ADAMTS19: variants seen among roughly 807,000 people sequenced by gnomAD.
ADAMTS19 encodes the protein A disintegrin and metalloproteinase with thrombospondin motifs 19.
ADAMTS19 carries 93 observed loss-of-function variants against 153.3 expected under a neutral mutation model. That is an observed-to-expected ratio of 0.61 (90% CI 0.51 to 0.72). ADAMTS19 has a LOEUF of 0.72. ADAMTS19 is among the 30% of genes least tolerant of loss of function. The probability of loss-of-function intolerance (pLI) is 0.00; values close to 1 mark genes in which losing one functional copy is unlikely to be tolerated. For synonymous variants in ADAMTS19, 600 were observed against 556.6 expected (o/e 1.08, Z -1.10); for missense variants, 1,482 against 1,552.1 (o/e 0.95, Z 0.76).
chr5:129,540,351 C>T (rs977748295), intron 6 of ADAMTS19, among the ~76,000 whole-genome samples: 2 of 152,056 alleles, frequency 1.3e-5, no homozygotes, highest in African/African-American at 2.4e-5. Context: ...TAGTTTAAAG[C>T]TGACCTAGTT....
chr5:129,493,159 C>T (rs1421922147), intron 2 of ADAMTS19, among the ~76,000 whole-genome samples: 6 of 152,084 alleles, frequency 3.9e-5, no homozygotes, highest in African/African-American at 1.4e-4. Flanking sequence ...CCAGAGGGCA[C>T]TGATTTAATG....
rs528313414 is a variant in ADAMTS19, at chr5:129,669,815, A to AT, written c.2506+4245dup. Reference sequence around the variant, plus strand: ...CAGATAATTTCTAATTCCCCATGTGATTTTTTTTTCATTGTTGCATTGGTT... The same window carrying AT: ...CAGATAATTTCTAATTCCCCATGTGATTTTTTTTTTCATTGTTGCATTGGTT... On this transcript the variant is annotated intron_variant, in intron 16 of 22. Coordinates refer to ENST00000274487, the MANE Select transcript of ADAMTS19 (RefSeq NM_133638.6). Among the ~76,000 whole-genome samples the AT allele has an allele frequency of 2.8e-3, 418 of 149,914 alleles. 1 individual carries two copies. The highest frequency in any genetic ancestry group is 8.4e-3 in the African/African-American group (343 of 40,838).
chr5:129,522,332 C>CACATATATATATAT lies in ADAMTS19; in HGVS notation c.914-3951_914-3950insCATATATATATATA, dbSNP rs1309115957. On this transcript the variant is annotated intron_variant, in intron 3 of 22. Coordinates refer to ENST00000274487, the MANE Select transcript of ADAMTS19 (RefSeq NM_133638.6). Reference sequence around the variant, plus strand: ...ATATATATATACACACACACACACACATATATATATATATATATATATATA... The same window carrying CACATATATATATAT: ...ATATATATATACACACACACACACACACATATATATATATATATATATATATATATATATATATA... Among the ~76,000 whole-genome samples the CACATATATATATAT allele has an allele frequency of 1.6e-3, 95 of 58,600 alleles. 2 individuals carry two copies. Among genetic ancestry groups the CACATATATATATAT allele is most frequent in the African/African-American group, 2.3e-3 (26 of 11,228 alleles). 38.4% of individuals were successfully genotyped at this position (58,600 alleles called of 152,430 possible).
chr5:129,559,650 A>G (rs1050554871), intron 7 of ADAMTS19, among the ~76,000 whole-genome samples: 2 of 152,198 alleles, frequency 1.3e-5, no homozygotes, highest in African/African-American at 4.8e-5. Flanking sequence ...ATTCTTACAC[A>G]TACACCTTAG....
intron 16 of ADAMTS19, among the ~76,000 whole-genome samples, chr5:129,669,135 A>G (rs1379283867): frequency 6.6e-6 from 1 of 151,908 alleles, no homozygotes; most frequent in Non-Finnish European, 1.5e-5. Context: ...TACCAAGACC[A>G]TTCAACTGAG....
At chr5:129,539,555 C>G (rs777300059) in intron 6 of ADAMTS19, among the ~76,000 whole-genome samples, 9 of 152,014 alleles carry the variant, frequency 5.9e-5, no homozygotes, top group African/African-American at 2.2e-4. Context: ...TAGCAGCAAT[C>G]GGAAACTGAT....
intron 7 of ADAMTS19, among the ~76,000 whole-genome samples, chr5:129,564,713 C>G (rs1337501521): frequency 6.6e-6 from 1 of 152,080 alleles, no homozygotes; most frequent in Non-Finnish European, 1.5e-5. Flanking sequence ...TGATATGGCT[C>G]TAAACACTTG....
At chr5:129,494,391 T>G (rs946170906) in intron 2 of ADAMTS19, among the ~76,000 whole-genome samples, 2 of 152,086 alleles carry the variant, frequency 1.3e-5, no homozygotes, top group African/African-American at 4.8e-5. Context: ...CTCCTCCCTT[T>G]TAGATTGTTT....
chr5:129,477,897 G>A (rs913318439), intron 2 of ADAMTS19, among the ~76,000 whole-genome samples: 1 of 152,144 alleles, frequency 6.6e-6, no homozygotes, highest in African/African-American at 2.4e-5. Flanking sequence ...ACCTCTCACT[G>A]TAGAAGATAC....
intron 7 of ADAMTS19, among the ~76,000 whole-genome samples, chr5:129,555,366 C>T (rs1317586758): frequency 6.6e-6 from 1 of 152,116 alleles, no homozygotes; most frequent in Non-Finnish European, 1.5e-5. Flanking sequence ...ACAGTATTTT[C>T]ATGGACATTA....
intron 21 of ADAMTS19, among the ~76,000 whole-genome samples, chr5:129,720,170 ATT>A (rs1207805689): frequency 4.5e-4 from 53 of 117,692 alleles, no homozygotes; most frequent in African/African-American, 1.4e-3. Context: ...ATATATATAT[ATT>A]TATTTTTTTT....
intron 18 of ADAMTS19, among the ~76,000 whole-genome samples, chr5:129,686,670 A>C (rs1341634792): frequency 1.3e-5 from 2 of 152,008 alleles, no homozygotes. Context: ...AGGAGCATAG[A>C]GTGGGAAGGA....
At chr5:129,538,195 A>C (rs751506088) in intron 6 of ADAMTS19, among the ~76,000 whole-genome samples, 3 of 152,088 alleles carry the variant, frequency 2.0e-5, no homozygotes, top group Non-Finnish European at 4.4e-5. Flanking sequence ...ATATTACAGA[A>C]AACTGATAAG....
rs774394558 is a variant in ADAMTS19 at position 129,528,526 on chromosome 5, C to A, written c.1177C>A (p.Leu393Ile). ...GAGCTCTGTTCTTTTGCAGCCAGAA[C>A]TATATATTGGGCATCATGGAGAAAA... ...LILLHETPPE[L>I]YIGHHGEKML... The change falls in exon 6 of 23, where the codon CTA becomes ATA. Residue 393 changes from leucine to isoleucine, a missense_variant. This residue lies in a region of ADAMTS19 where 866 missense variants were observed against 827.7 expected (regional missense o/e 1.05). Coordinates refer to ENST00000274487, the MANE Select transcript of ADAMTS19 (RefSeq NM_133638.6). 8 of 1,591,864 alleles carry A rather than the reference C, an allele frequency of 5.0e-6. No homozygotes were observed. The highest frequency in any genetic ancestry group is 6.8e-6 in the Non-Finnish European group (8 of 1,171,270).
intron 7 of ADAMTS19, among the ~76,000 whole-genome samples, chr5:129,557,750 A>C (rs1753363804): frequency 6.6e-6 from 1 of 152,226 alleles, no homozygotes; most frequent in Non-Finnish European, 1.5e-5. Context: ...GAGGGATTAA[A>C]ACTGTATAAA....
chr5:129,729,935 C>T (rs1389325096), intron 21 of ADAMTS19, among the ~76,000 whole-genome samples: 1 of 152,054 alleles, frequency 6.6e-6, no homozygotes, highest in African/African-American at 2.4e-5. Flanking sequence ...TTTATCACAT[C>T]AGAGTGAGCT....
At position 129,461,581 on chromosome 5, in the gene ADAMTS19, C is replaced by A. The variant is rs1291266855; in HGVS notation, c.571C>A (p.Arg191Ser). Residue 191 changes from arginine (R) to serine (S), a missense_variant, in exon 2 of 23, where the codon CGC becomes AGC. Arg to Ser is a moderately radical substitution (Grantham distance 110). Transcript: ENST00000274487. The surrounding 1 kb of genome is among the most constrained non-coding windows in gnomAD (Gnocchi z 4.6). ...DLYLLLRRDG[R>S]FLAPRFAVEQ... ...GTACCTGCTGCTCCGGAGAGACGGC[C>A]GCTTCCTGGCGCCGCGCTTCGCAGT... 5.1e-6 allele frequency: 8 copies of A among 1,571,886 alleles called. No individual in the cohort carries two copies. In the African/African-American group the frequency reaches 5.4e-5, roughly 11 times the overall value.
At chr5:129,622,483 G>A in intron 10 of ADAMTS19, 135 bp downstream of exon 10, 4 of 1,020,894 alleles carry the variant, frequency 3.9e-6, no homozygotes, top group South Asian at 2.1e-5. Flanking sequence ...TCTAAGAAAA[G>A]GTTTGTGCAT....
At chr5:129,721,760 C>T (rs1757013438) in intron 21 of ADAMTS19, among the ~76,000 whole-genome samples, 1 of 152,072 alleles carries the variant, frequency 6.6e-6, no homozygotes, top group African/African-American at 2.4e-5. Flanking sequence ...TCCCCTTCTC[C>T]ACCCCCAACA....
Sources: allele counts gnomAD v4.1 joint callset (sites outside exome capture counted in the v4.1 genomes callset), GRCh38; gene constraint gnomAD v4.1.1; regional missense constraint gnomAD v4.1.1; non-coding constraint Gnocchi (gnomAD v3.1); transcripts MANE v1.5; gene names NCBI Gene and HGNC (gene_info 2026-07-23, HGNC 2026-07-21).